The following MEX3C variants were observed in gnomAD, a reference collection of about 807,000 sequenced individuals.
MEX3C encodes RNA-binding E3 ubiquitin-protein ligase MEX3C.
In MEX3C, 15 loss-of-function variants were observed where a neutral mutation model predicts 35.5. The ratio of observed to expected loss-of-function variants is 0.42; its 90% CI spans 0.28 to 0.65. The LOEUF (loss-of-function observed/expected upper bound fraction) is 0.65, where lower values mean the gene tolerates loss of function less well. Ranked by LOEUF, MEX3C falls within the 30% of genes least tolerant of loss-of-function variation. The pLI, the probability that MEX3C is intolerant of heterozygous loss-of-function variation, is 0.20. For synonymous variants in MEX3C, 390 were observed against 352.8 expected (o/e 1.11, Z -1.18); for missense variants, 711 against 842.8 (o/e 0.84, Z 1.94).
rs1912838966 is a variant in MEX3C, at chr18:51,197,329, C to G, written c.-9G>C. The G allele has an allele frequency of 2.2e-6, 1 of 452,254 alleles. No homozygotes were observed. The highest frequency in any genetic ancestry group is 2.9e-6 in the Non-Finnish European group (1 of 344,186). 28.0% of individuals were successfully genotyped at this position (452,254 alleles called of 1,614,324 possible). A position where few individuals can be genotyped will look rare whatever the true frequency, so the allele number is the denominator to read the frequency against. On this transcript the variant is annotated 5_prime_UTR_variant, in exon 1 of 2. Coordinates refer to ENST00000406189, the MANE Select transcript of MEX3C (RefSeq NM_016626.5). ...GAGCTGCCGCTGGGCATCGCGGCGG[C>G]GCGCTGTCAATGGCGGCGGCGGCGG...
In MEX3C at chr18:51,197,569, G is replaced by A. The variant is rs1912852765; in HGVS notation, c.-249C>T. ...GGGTGGGTGGGGACGGCGGCGGGGC[G>A]GGCTGGTGGAGGTGGCAGCGGCTCC... On this transcript the variant is annotated 5_prime_UTR_variant, in exon 1 of 2. Transcript: ENST00000406189. 6.7e-6 allele frequency among the ~76,000 whole-genome samples: 1 copy of A among 150,262 alleles called. No individual in the cohort carries two copies. The highest frequency in any genetic ancestry group is 1.5e-5 in the Non-Finnish European group (1 of 67,340).
rs1320877454 is a variant in MEX3C, at chr18:51,184,180, G to A, written c.755-6604C>T. On this transcript the variant is annotated intron_variant, in intron 1 of 1. Transcript: ENST00000406189. ...AGCTAGAAGGAAAATGGAGGTAGAGGTCATCATCCTGCAACACCCACCTCC... is the reference window on the plus strand; with the variant it reads ...AGCTAGAAGGAAAATGGAGGTAGAGATCATCATCCTGCAACACCCACCTCC... 2.6e-5 allele frequency among the ~76,000 whole-genome samples: 4 copies of A among 152,036 alleles called. No homozygotes were observed. The East Asian group carries it at 7.8e-4, about 29-fold the overall frequency.
rs1912326320 is a variant in MEX3C at position 51,177,227 on chromosome 18, T to A, written c.1104A>T (p.Glu368Asp). Residue 368 changes from glutamate (E) to aspartate (D), a missense_variant, in exon 2 of 2, where the codon GAA becomes GAT. This residue lies in a region of MEX3C where 83 missense variants were observed against 179.1 expected (regional missense o/e 0.46). Coordinates refer to ENST00000406189, the MANE Select transcript of MEX3C (RefSeq NM_016626.5). This position sits in a 1 kb window ranked among gnomAD's most constrained non-coding sequence, Gnocchi z 4.2. ...GCATCCCTGTCACTTCAAAGACAGG[T>A]TCCTTATCTCTGCTCGGAGTTACTA... is the stretch of plus-strand genomic sequence containing the variant. ...TYIVTPSRDK[E>D]PVFEVTGMPE... The A allele has an allele frequency of 6.2e-7, 1 of 1,613,932 alleles. No individual in the cohort carries two copies. The highest frequency in any genetic ancestry group is 1.7e-5 in the Admixed American group (1 of 60,016).
chr18:51,187,936 T>A (rs991159596), intron 1 of MEX3C, among the ~76,000 whole-genome samples: 5 of 152,204 alleles, frequency 3.3e-5, no homozygotes, highest in African/African-American at 1.2e-4. Context: ...GTTCTATTAA[T>A]CAATTCTAGT....
intron 1 of MEX3C, among the ~76,000 whole-genome samples, chr18:51,185,258 G>A (rs1912513329): frequency 6.6e-6 from 1 of 152,224 alleles, no homozygotes; most frequent in Admixed American, 6.5e-5. Flanking sequence ...GCTGTCAGCT[G>A]AGGGTCATTC....
chr18:51,179,919 A>G lies in MEX3C; in HGVS notation c.755-2343T>C, dbSNP rs143913572. The stretch of plus-strand genomic sequence containing the variant: ...AGTTCACAGTGGGCTACAACTTGAC[A>G]AGGTGGCAAGAAGGCAGTCAGCCAC... On this transcript the variant is annotated intron_variant, in intron 1 of 1. Coordinates refer to ENST00000406189, the MANE Select transcript of MEX3C (RefSeq NM_016626.5). 9.7e-4 allele frequency among the ~76,000 whole-genome samples: 148 copies of G among 152,290 alleles called. 1 individual carries two copies. The highest frequency in any genetic ancestry group is 3.4e-3 in the Middle Eastern group (1 of 294).
In MEX3C at chr18:51,176,988, C is replaced by A; in HGVS notation, c.1343G>T (p.Ser448Ile). ...ATCTGTAGAGCCACTTCCTAGAGAA[C>A]TGGAACTATCATTTCGATAATTGGA... Reference protein sequence around the residue: ...MISNYRNDSSSSLGSGSTDSY... With the variant: ...MISNYRNDSSISLGSGSTDSY... The change falls in exon 2 of 2, where the codon AGT becomes ATT. Residue 448 changes from serine (S) to isoleucine (I), a missense_variant. Physicochemically the swap from Ser to Ile is moderately radical, Grantham distance 142. Coordinates refer to ENST00000406189, the MANE Select transcript of MEX3C (RefSeq NM_016626.5). The A allele has an allele frequency of 6.2e-7, 1 of 1,613,958 alleles. No homozygotes were observed.
chr18:51,181,961 T>G (rs1045912142), intron 1 of MEX3C, among the ~76,000 whole-genome samples: 6 of 152,224 alleles, frequency 3.9e-5, no homozygotes, highest in Admixed American at 1.3e-4. Context: ...GATATTATTT[T>G]AAATTACAGT....
intron 1 of MEX3C, among the ~76,000 whole-genome samples, chr18:51,181,436 C>G (rs1208223411): frequency 6.6e-6 from 1 of 152,082 alleles, no homozygotes; most frequent in Non-Finnish European, 1.5e-5. Flanking sequence ...GATGGAAATT[C>G]CCATTTTCAA....
chr18:51,182,085 T>G (rs1912443722), intron 1 of MEX3C, among the ~76,000 whole-genome samples: 1 of 152,168 alleles, frequency 6.6e-6, no homozygotes, highest in Non-Finnish European at 1.5e-5. Context: ...TGAGAGTGAG[T>G]AAGACCACGT....
At chr18:51,179,487 T>C (rs1599250686) in intron 1 of MEX3C, among the ~76,000 whole-genome samples, 1 of 152,262 alleles carries the variant, frequency 6.6e-6, no homozygotes, top group Non-Finnish European at 1.5e-5. Flanking sequence ...TACCTGCCAG[T>C]TGGGCATCCC....
chr18:51,196,208 T>G (rs1912782520), intron 1 of MEX3C: 1 of 337,384 alleles, frequency 3.0e-6, no homozygotes, highest in Admixed American at 4.7e-5. Flanking sequence ...CTCGAAGCTT[T>G]CCGTACCCAA....
intron 1 of MEX3C, among the ~76,000 whole-genome samples, chr18:51,191,360 A>G (rs1912645258): frequency 6.6e-6 from 1 of 152,162 alleles, no homozygotes; most frequent in South Asian, 2.1e-4. Flanking sequence ...TTCTGGCACA[A>G]CAGAAGATCA....
Position 51,177,773 on chromosome 18 carries a change from G to A in MEX3C, c.755-197C>T, listed in dbSNP as rs191393069. On this transcript the variant is annotated intron_variant, in intron 1 of 1. Coordinates refer to ENST00000406189, the MANE Select transcript of MEX3C (RefSeq NM_016626.5). This position sits in a 1 kb window ranked among gnomAD's most constrained non-coding sequence, Gnocchi z 4.2. The stretch of plus-strand genomic sequence containing the variant: ...ATCTGTGGTCTTTTTGCTAGTCCAA[G>A]AACCTCGATTTTCACAATTATCTGA... Among the ~76,000 whole-genome samples the A allele has an allele frequency of 9.9e-4, 151 of 152,284 alleles. No individual in the cohort carries two copies. Among genetic ancestry groups the A allele is most frequent in the Non-Finnish European group, 1.4e-3 (97 of 68,020 alleles).
intron 1 of MEX3C, 120 bp downstream of exon 1, chr18:51,196,447 C>T: frequency 6.8e-7 from 1 of 1,463,424 alleles, no homozygotes; most frequent in South Asian, 1.4e-5. Context: ...TCCCAGACCC[C>T]TTCGCGGTGG....
Position 51,197,643 on chromosome 18 carries a change from C to CGCGGCG in MEX3C, c.-329_-324dup, listed in dbSNP as rs554909276. ...ATGGCCTTAACCAGCCCCCGGCGCG[C>CGCGGCG]GCGGCGGCGGCGGCTACGCCCCACG... On this transcript the variant is annotated 5_prime_UTR_variant, in exon 1 of 2. Transcript: ENST00000406189. Among the ~76,000 whole-genome samples the CGCGGCG allele has an allele frequency of 1.3e-5, 2 of 149,412 alleles. No homozygotes were observed. The highest frequency in any genetic ancestry group is 1.5e-5 in the Non-Finnish European group (1 of 67,130).
At chr18:51,195,964 C>A in intron 1 of MEX3C, 1 of 153,180 alleles carries the variant, frequency 6.5e-6, no homozygotes, top group Admixed American at 6.5e-5. Context: ...TGAAACGTAC[C>A]GAGAGAAATA....
chr18:51,181,525 A>C (rs957327950), intron 1 of MEX3C, among the ~76,000 whole-genome samples: 1 of 152,240 alleles, frequency 6.6e-6, no homozygotes, highest in Admixed American at 6.5e-5. Context: ...AAGAGTGGGG[A>C]AAAGAACTCT....
rs1568237154 is a variant in MEX3C at position 51,197,574 on chromosome 18, GGTGGAGGTGGC to G, written c.-265_-255del. 6.6e-6 allele frequency among the ~76,000 whole-genome samples: 1 copy of G among 150,738 alleles called. No individual in the cohort carries two copies. Among genetic ancestry groups the G allele is most frequent in the African/African-American group, 2.4e-5 (1 of 41,022 alleles). The stretch of plus-strand genomic sequence containing the variant: ...GGTGGGGACGGCGGCGGGGCGGGCT[GGTGGAGGTGGC>G]AGCGGCTCCCCTCTCAGTGTTTCTT... On this transcript the variant is annotated 5_prime_UTR_variant, in exon 1 of 2. Coordinates refer to ENST00000406189, the MANE Select transcript of MEX3C (RefSeq NM_016626.5).
Sources: allele counts gnomAD v4.1 joint callset (sites outside exome capture counted in the v4.1 genomes callset), GRCh38; gene constraint gnomAD v4.1.1; regional missense constraint gnomAD v4.1.1; non-coding constraint Gnocchi (gnomAD v3.1); transcripts MANE v1.5; gene names NCBI Gene and HGNC (gene_info 2026-07-23, HGNC 2026-07-21).